The following KIAA0232 variants were observed in gnomAD, a reference collection of about 807,000 sequenced individuals.
KIAA0232 encodes the protein KIAA0232, also known as uncharacterized protein KIAA0232.
Under a neutral mutation model 122.0 loss-of-function variants are expected in KIAA0232, and 27 were observed. That is an observed-to-expected ratio of 0.22 (90% CI 0.16 to 0.31). The LOEUF (loss-of-function observed/expected upper bound fraction) is 0.31, where lower values mean the gene tolerates loss of function less well. Among genes scored for constraint, KIAA0232 ranks in the 10% least tolerant of loss-of-function variants. The pLI is 1.00. For missense variants in KIAA0232, 1,551 were observed against 1,634.2 expected (o/e 0.95, Z 0.88); for synonymous variants, 613 against 587.6 (o/e 1.04, Z -0.63).
chr4:6,831,542 A>G (rs980106460), intron 3 of KIAA0232, among the ~76,000 whole-genome samples: 1 of 152,212 alleles, frequency 6.6e-6, no homozygotes, highest in Non-Finnish European at 1.5e-5. Context: ...GATTCTGTAC[A>G]AGAATAAGAG....
At chr4:6,794,263 C>G (rs1316442106) in intron 1 of KIAA0232, among the ~76,000 whole-genome samples, 3 of 152,184 alleles carry the variant, frequency 2.0e-5, no homozygotes, top group African/African-American at 7.2e-5. Context: ...CTGCACCGGA[C>G]AGAAAGGCCT....
intron 3 of KIAA0232, among the ~76,000 whole-genome samples, chr4:6,836,528 C>CTTTTTTTTTTT (rs1323217192): frequency 2.1e-5 from 2 of 95,700 alleles, no homozygotes; most frequent in African/African-American, 3.8e-5. Flanking sequence ...TGTCCTTTTT[C>CTTTTTTTTTTT]TTTTTTTTTT....
At chr4:6,813,818 G>C (rs1451181955) in intron 2 of KIAA0232, among the ~76,000 whole-genome samples, 3 of 152,084 alleles carry the variant, frequency 2.0e-5, no homozygotes, top group African/African-American at 7.2e-5. Context: ...CCAGGGCTCT[G>C]ACTCCTGGAG....
intron 3 of KIAA0232, among the ~76,000 whole-genome samples, chr4:6,837,851 C>G (rs75562140): frequency 6.6e-6 from 1 of 151,050 alleles, no homozygotes; most frequent in Non-Finnish European, 1.5e-5. Flanking sequence ...TGCAGTGAGC[C>G]GAGATGGCGG....
intron 2 of KIAA0232, among the ~76,000 whole-genome samples, chr4:6,806,764 GAATT>G (rs1451680350): frequency 2.5e-5 from 2 of 78,924 alleles, no homozygotes; most frequent in African/African-American, 9.5e-5. Flanking sequence ...AAAAAAAAAA[GAATT>G]AAAACAATAA....
chr4:6,802,251 G>T (rs563838141), intron 1 of KIAA0232, among the ~76,000 whole-genome samples: 1 of 152,310 alleles, frequency 6.6e-6, no homozygotes, highest in South Asian at 2.1e-4. Context: ...GGGTAGCCAG[G>T]CCTGTACGCT....
At chr4:6,784,930 C>A (rs1275387027) in intron 1 of KIAA0232, among the ~76,000 whole-genome samples, 2 of 148,814 alleles carry the variant, frequency 1.3e-5, no homozygotes, top group Admixed American at 1.4e-4. Context: ...TTAAGAAGAT[C>A]AGATGAATTT....
At chr4:6,793,956 C>T (rs139907592) in intron 1 of KIAA0232, among the ~76,000 whole-genome samples, 254 of 152,264 alleles carry the variant, frequency 1.7e-3, no homozygotes, top group African/African-American at 5.0e-3. Context: ...ATGTTCTTTC[C>T]GCTTCCCTAC....
chr4:6,823,582 G>T (rs1217411394), intron 2 of KIAA0232, among the ~76,000 whole-genome samples: 1 of 152,026 alleles, frequency 6.6e-6, no homozygotes, highest in Non-Finnish European at 1.5e-5. Context: ...AAAACATAAA[G>T]AACTAATTTT....
Position 6,871,610 on chromosome 4 carries a change from A to G in KIAA0232, c.3838A>G (p.Arg1280Gly), listed in dbSNP as rs767107617. The change falls in exon 8 of 10, where the codon AGA (arginine) becomes GGA (glycine). Residue 1280 changes from arginine to glycine, a missense_variant. By Grantham distance (125) the Arg-to-Gly change is moderately radical. Coordinates refer to ENST00000307659, the MANE Select transcript of KIAA0232 (RefSeq NM_014743.3). ...VLNTDIQGMN[R>G]SQEKQTWWEK... ...GAACACTGATATACAAGGAATGAATAGAAGTCAAGAAAAACAGACCTGGTG... is the reference window on the plus strand; with the variant it reads ...GAACACTGATATACAAGGAATGAATGGAAGTCAAGAAAAACAGACCTGGTG... The G allele has an allele frequency of 6.2e-7, 1 of 1,611,720 alleles. No individual in the cohort carries two copies. The highest frequency in any genetic ancestry group is 2.2e-5 in the East Asian group (1 of 44,864).
At chr4:6,848,047 A>C (rs1415642270) in intron 4 of KIAA0232, among the ~76,000 whole-genome samples, 1 of 152,178 alleles carries the variant, frequency 6.6e-6, no homozygotes, top group African/African-American at 2.4e-5. Flanking sequence ...TTGGGGTGTT[A>C]GTTTTGAAGG....
At chr4:6,798,532 C>G (rs1484490410) in intron 1 of KIAA0232, among the ~76,000 whole-genome samples, 3 of 152,084 alleles carry the variant, frequency 2.0e-5, no homozygotes, top group Non-Finnish European at 4.4e-5. Flanking sequence ...GATGCTGACA[C>G]CAACCCTTTT....
chr4:6,784,075 A>C (rs1329624181), intron 1 of KIAA0232, among the ~76,000 whole-genome samples: 1 of 151,982 alleles, frequency 6.6e-6, no homozygotes, highest in Non-Finnish European at 1.5e-5. Context: ...TTTGTCCTCT[A>C]TAGGCAAGCT....
Position 6,861,212 on chromosome 4 carries a change from A to G in KIAA0232, c.830A>G (p.His277Arg), listed in dbSNP as rs1488422107. 2 of 1,614,158 alleles carry G rather than the reference A, an allele frequency of 1.2e-6. No individual in the cohort carries two copies. Among genetic ancestry groups the G allele is most frequent in the South Asian group, 2.2e-5 (2 of 91,088 alleles). ...GCTTTGTACAAAAAGCAAATCCGAC[A>G]TAAACCTGAAGGAAAGATTCGCCCT... ...KPALYKKQIR[H>R]KPEGKIRPRS... Residue 277 changes from histidine (H) to arginine (R), a missense_variant, in exon 7 of 10, where the codon CAT becomes CGT. Transcript: ENST00000307659.
At chr4:6,860,423 T>C (rs906978895) in intron 6 of KIAA0232, among the ~76,000 whole-genome samples, 2 of 152,224 alleles carry the variant, frequency 1.3e-5, no homozygotes, top group African/African-American at 4.8e-5. Flanking sequence ...TAACCGCATA[T>C]ATTTTCAACG....
At chr4:6,811,035 G>A (rs1427159425) in intron 2 of KIAA0232, among the ~76,000 whole-genome samples, 4 of 152,210 alleles carry the variant, frequency 2.6e-5, no homozygotes, top group Non-Finnish European at 4.4e-5. Context: ...ATGGAAAAGA[G>A]TATGGCGATT....
rs754649500 is a variant in KIAA0232 at position 6,861,018 on chromosome 4, C to T, written c.636C>T (p.Ala212=). The part of the protein sequence containing the change: ...SYSSSSSSST[A]PPASTDTSSP... ...CTAGCTCTTCTTCATCATCCACAGC[C>T]CCACCAGCTAGCACAGATACTTCCT... The change falls in exon 7 of 10, where the codon GCC becomes GCT. Residue 212 remains alanine, a synonymous_variant. Coordinates refer to ENST00000307659, the MANE Select transcript of KIAA0232 (RefSeq NM_014743.3). 5.1e-5 allele frequency: 83 copies of T among 1,614,056 alleles called. No individual in the cohort carries two copies. Among genetic ancestry groups the T allele is most frequent in the Non-Finnish European group, 6.7e-5 (79 of 1,180,038 alleles).
At chr4:6,822,587 G>A (rs138061865) in intron 2 of KIAA0232, among the ~76,000 whole-genome samples, 3 of 152,072 alleles carry the variant, frequency 2.0e-5, no homozygotes, top group African/African-American at 7.2e-5. Context: ...TCATTTTCTA[G>A]TGGTTTGTAA....
chr4:6,869,660 C>T (rs1721369292), intron 7 of KIAA0232, among the ~76,000 whole-genome samples: 2 of 152,224 alleles, frequency 1.3e-5, no homozygotes, highest in South Asian at 2.1e-4. Flanking sequence ...TGTGGGTAGA[C>T]AGTACAATTC....
Sources: gnomAD v4.1 joint callset for allele counts (sites outside exome capture counted in the v4.1 genomes callset) on GRCh38, gnomAD v4.1.1 for gene constraint, MANE v1.5 for transcripts, NCBI Gene and HGNC (gene_info 2026-07-23, HGNC 2026-07-21) for gene names.